The following GCFC2 variants were observed in gnomAD, a reference collection of about 807,000 sequenced individuals.
GCFC2 encodes intron Large complex component GCFC2.
A neutral mutation model predicts 99.4 loss-of-function variants in GCFC2; 102 were observed. The ratio of observed to expected loss-of-function variants is 1.03; its 90% CI spans 0.87 to 1.21. GCFC2 has a LOEUF of 1.21. Among genes scored for constraint, GCFC2 ranks in the 50% most tolerant of loss-of-function variants. The pLI is 0.00. For missense variants in GCFC2, 973 were observed against 920.9 expected (o/e 1.06, Z -0.73); for synonymous variants, 338 against 316.8 (o/e 1.07, Z -0.71).
At chr2:75,670,363 G>T in intron 14 of GCFC2, 79 bp from the exon 15 acceptor site, 2 of 971,452 alleles carry the variant, frequency 2.1e-6, no homozygotes, top group Non-Finnish European at 3.2e-6. Flanking sequence ...ATGAAGAGTT[G>T]GTCAAACTAA....
intron 9 of GCFC2, among the ~76,000 whole-genome samples, chr2:75,689,527 G>A (rs528104569): frequency 6.6e-6 from 1 of 152,042 alleles, no homozygotes; most frequent in African/African-American, 2.4e-5. Flanking sequence ...ATTTAGGGAG[G>A]TCAAAAAATT....
rs750294560 is a variant in GCFC2 at position 75,702,295 on chromosome 2, C to T, written c.523G>A (p.Glu175Lys). 5 of 1,613,510 alleles carry T rather than the reference C, an allele frequency of 3.1e-6. No homozygotes were observed. The Admixed American group carries it at 5.0e-5, about 16-fold the overall frequency. The change falls in exon 3 of 17, where the codon GAA becomes AAA. Residue 175 changes from glutamate (E) to lysine (K), a missense_variant. Physicochemically the swap from Glu to Lys is moderately conservative, Grantham distance 56. Coordinates refer to ENST00000321027, the MANE Select transcript of GCFC2 (RefSeq NM_003203.5). ...TCAGGCTCACTCTCAGGGTCATCTT[C>T]GCTCTCTCTCTTCATACCAGAGATG... ...SSISGMKRES[E>K]DDPESEPDDH...
At chr2:75,680,142 TATA>T (rs1369491823) in intron 12 of GCFC2, 48 bp downstream of exon 12, 14 of 1,328,600 alleles carry the variant, frequency 1.1e-5, no homozygotes, top group African/African-American at 2.9e-5. Context: ...GTAAGAAAAT[TATA>T]ATGATTTAGA....
At chr2:75,677,186 C>T (rs960777764) in intron 12 of GCFC2, among the ~76,000 whole-genome samples, 2 of 152,210 alleles carry the variant, frequency 1.3e-5, no homozygotes, top group Non-Finnish European at 2.9e-5. Context: ...TTTAAGTATT[C>T]ATAATCTTCC....
rs1333873818 is a variant in GCFC2, at chr2:75,669,913, C to G, written c.2103+225G>C. 2.3e-5 allele frequency: 7 copies of G among 303,188 alleles called. No homozygotes were observed. In the Admixed American group the frequency reaches 2.8e-4, roughly 12 times the overall value. 18.8% of individuals were successfully genotyped at this position (303,188 alleles called of 1,614,324 possible). The stretch of plus-strand genomic sequence containing the variant: ...CTAATTTTTGTATCTTTAGTAGAGA[C>G]GGAGTTTCACCATGTTGGTGAGGCT... On this transcript the variant is annotated intron_variant, in intron 15 of 16. Coordinates refer to ENST00000321027, the MANE Select transcript of GCFC2 (RefSeq NM_003203.5).
At chr2:75,672,839 T>C (rs1488157717) in intron 13 of GCFC2, among the ~76,000 whole-genome samples, 1 of 152,188 alleles carries the variant, frequency 6.6e-6, no homozygotes, top group Non-Finnish European at 1.5e-5. Flanking sequence ...ACGTGTGCTC[T>C]TTACCACTCT....
rs1287270962 is a variant in GCFC2 at position 75,688,078 on chromosome 2, G to A, written c.1540-101C>T. 8.6e-6 allele frequency: 6 copies of A among 698,502 alleles called. No individual in the cohort carries two copies. The Admixed American group carries it at 1.3e-4, about 15-fold the overall frequency. The allele number at this position is 698,502 out of a possible 1,614,324, so 43.3% of individuals were successfully genotyped here. On this transcript the variant is annotated intron_variant, in intron 10 of 16. Coordinates refer to ENST00000321027, the MANE Select transcript of GCFC2 (RefSeq NM_003203.5). ...CAATAATCACCAGAGCTTTTCTAAG[G>A]ATCAGAAGAGATTAATTCCCTATTT...
At chr2:75,707,492 T>A (rs1365416185) in intron 1 of GCFC2, among the ~76,000 whole-genome samples, 2 of 152,192 alleles carry the variant, frequency 1.3e-5, no homozygotes, top group African/African-American at 2.4e-5. Flanking sequence ...TTAATTTTAA[T>A]TTTCTACCTT....
rs532753408 is a variant in GCFC2, at chr2:75,694,886, C to T, written c.834-459G>A. Among the ~76,000 whole-genome samples the T allele has an allele frequency of 5.3e-5, 8 of 152,000 alleles. No homozygotes were observed. The East Asian group carries it at 1.5e-3, about 29-fold the overall frequency. On this transcript the variant is annotated intron_variant, in intron 5 of 16. Coordinates refer to ENST00000321027, the MANE Select transcript of GCFC2 (RefSeq NM_003203.5). ...GTGCTTATAAAGATATACATATAGACCACTTCTGGAACAAAACATAAGAAA... is the reference window on the plus strand; with the variant it reads ...GTGCTTATAAAGATATACATATAGATCACTTCTGGAACAAAACATAAGAAA...
At chr2:75,667,540 GAC>G (rs1282833299) in intron 15 of GCFC2, among the ~76,000 whole-genome samples, 1 of 151,774 alleles carries the variant, frequency 6.6e-6, no homozygotes, top group South Asian at 2.1e-4. Flanking sequence ...GAAAAATACT[GAC>G]ACACTGACTG....
In GCFC2 at chr2:75,710,816, C is replaced by G. The variant is rs757768921; in HGVS notation, c.40G>C (p.Ala14Pro). 1 of 1,574,992 alleles carries G rather than the reference C, an allele frequency of 6.3e-7. No individual in the cohort carries two copies. The highest frequency in any genetic ancestry group is 2.4e-5 in the East Asian group (1 of 41,520). Residue 14 changes from alanine to proline, a missense_variant, in exon 1 of 17, where the codon GCT becomes CCT. Transcript: ENST00000321027. Reference protein sequence around the residue: ...RPKRTFRQRAADSSDSDGAEE... With the variant: ...RPKRTFRQRAPDSSDSDGAEE... ...GCGCCATCGCTGTCGCTGGAATCAG[C>G]CGCGCGCTGCCGAAAAGTCCTTTTC...
chr2:75,676,319 T>C (rs570484793), intron 12 of GCFC2, among the ~76,000 whole-genome samples: 68 of 152,328 alleles, frequency 4.5e-4, no homozygotes, highest in Non-Finnish European at 8.5e-4. Flanking sequence ...TTTGGACTAT[T>C]AGATTTCAGT....
In GCFC2 at chr2:75,692,101, C is replaced by G. The variant is rs1680098571; in HGVS notation, c.1021-1G>C. 4.9e-6 allele frequency: 7 copies of G among 1,420,964 alleles called. No homozygotes were observed. Among genetic ancestry groups the G allele is most frequent in the Middle Eastern group, 1.9e-4 (1 of 5,302 alleles). The allele number at this position is 1,420,964 out of a possible 1,614,324, so 88.0% of individuals were successfully genotyped here. ...ATTCTATTTCTTGGATGTTGATAAT[C>G]TGAAATACACATATAAGTAACATTT... On this transcript the variant is annotated splice_acceptor_variant, in intron 6 of 16. Transcript: ENST00000321027. LOFTEE classifies it high-confidence loss of function.
At chr2:75,695,488 A>G (rs1680268531) in intron 5 of GCFC2, among the ~76,000 whole-genome samples, 2 of 152,220 alleles carry the variant, frequency 1.3e-5, no homozygotes, top group Non-Finnish European at 2.9e-5. Context: ...TATTAAATAG[A>G]AAAGTAGAAT....
At chr2:75,672,850 A>T (rs563445123) in intron 13 of GCFC2, among the ~76,000 whole-genome samples, 1 of 152,206 alleles carries the variant, frequency 6.6e-6, no homozygotes, top group East Asian at 1.9e-4. Flanking sequence ...TTACCACTCT[A>T]TATCACCTGC....
At chr2:75,712,181 C>G (rs377351486), upstream of GCFC2, among the ~76,000 whole-genome samples, 27 of 106,796 alleles carry the variant, frequency 2.5e-4, no homozygotes, top group Admixed American at 9.5e-4. Context: ...GTGCACCAAT[C>G]GACACTCTGT....
intron 7 of GCFC2, 39 bp from the exon 8 acceptor site, chr2:75,690,758 C>A: frequency 2.0e-6 from 2 of 1,002,306 alleles, no homozygotes; most frequent in South Asian, 1.4e-5. Context: ...TACAAATTCT[C>A]AAAAGAAAAA....
At chr2:75,666,169 G>A in intron 15 of GCFC2, 116 bp from the exon 16 acceptor site, 1 of 718,628 alleles carries the variant, frequency 1.4e-6, no homozygotes, top group Admixed American at 3.0e-5. Context: ...TATAGTTTAT[G>A]GTTAAATAAA....
chr2:75,710,464 G>C (rs1681097602), intron 1 of GCFC2, 127 bp downstream of exon 1: 8 of 1,383,824 alleles, frequency 5.8e-6, no homozygotes, highest in Middle Eastern at 5.3e-4. Flanking sequence ...AGTCTTTCTG[G>C]ATAAGACTCA....
Sources: allele counts gnomAD v4.1 joint callset (sites outside exome capture counted in the v4.1 genomes callset), GRCh38; gene constraint gnomAD v4.1.1; transcripts MANE v1.5; gene names NCBI Gene and HGNC (gene_info 2026-07-23, HGNC 2026-07-21).